KALRN: variants seen among roughly 807,000 people sequenced by gnomAD.
The protein encoded by KALRN is kalirin.
In KALRN, 70 loss-of-function variants were observed where a neutral mutation model predicts 353.7. The observed-to-expected ratio is 0.20, with a 90% CI of 0.16 to 0.24. The LOEUF (loss-of-function observed/expected upper bound fraction) is 0.24. KALRN is among the 10% of genes least tolerant of loss of function. The probability of loss-of-function intolerance (pLI) is 1.00; values close to 1 mark genes in which losing one functional copy is unlikely to be tolerated. For missense variants in KALRN, 2,791 were observed against 3,756.7 expected, an observed-to-expected ratio of 0.74 and a Z score of 6.72; for synonymous variants, 1,391 against 1,434.8, an observed-to-expected ratio of 0.97 and a Z score of 0.69.
At chr3:124,051,986 T>C (rs1438702082) in intron 1 of KALRN, among the ~76,000 whole-genome samples, 1 of 152,220 alleles carries the variant, frequency 6.6e-6, no homozygotes, top group African/African-American at 2.4e-5. Context: ...AGGTCTCTAA[T>C]GCGTCTTCCA....
chr3:124,374,065 A>G (rs1374190353), intron 10 of KALRN, among the ~76,000 whole-genome samples: 6 of 152,142 alleles, frequency 3.9e-5, no homozygotes, highest in Non-Finnish European at 7.4e-5. Flanking sequence ...CTAATTCCCA[A>G]TGTGGTTGTA....
In KALRN at chr3:124,222,429, C is replaced by A. The variant is rs141457478; in HGVS notation, c.74-5561C>A. On this transcript the variant is annotated intron_variant, in intron 1 of 59. Transcript: ENST00000682506. ...AGAGGGGTCTTCCCATGGTAGGGGC[C>A]AGAGGGGTGATGAGTAGTGTTAGAT... 3.1e-3 allele frequency among the ~76,000 whole-genome samples: 467 copies of A among 152,210 alleles called. 5 individuals carry two copies. The highest frequency in any genetic ancestry group is 0.025 in the South Asian group (119 of 4,822).
chr3:124,269,048 G>T lies in KALRN; in HGVS notation c.762G>T (p.Leu254=). 6.2e-7 allele frequency: 1 copy of T among 1,612,916 alleles called. No homozygotes were observed. The highest frequency in any genetic ancestry group is 8.5e-7 in the Non-Finnish European group (1 of 1,179,672). Residue 254 remains leucine, a synonymous_variant, in exon 5 of 60, where the codon CTG becomes CTT. Transcript: ENST00000682506. The part of the protein sequence containing the change: ...VEELDREGQR[L]LQCIRCSDGF... ...AGCTGGACCGGGAGGGGCAGCGGCT[G>T]CTGCAGTGCATCCGCTGCAGCGACG...
chr3:124,133,826 C>G (rs892579889), intron 1 of KALRN, among the ~76,000 whole-genome samples: 10 of 152,124 alleles, frequency 6.6e-5, no homozygotes, highest in Non-Finnish European at 1.5e-4. Context: ...CTAAAATGGC[C>G]TTTATCAAGT....
intron 58 of KALRN, among the ~76,000 whole-genome samples, chr3:124,716,906 T>C (rs1196938410): frequency 6.6e-6 from 1 of 152,236 alleles, no homozygotes; most frequent in African/African-American, 2.4e-5. Context: ...TGCTGAAGTC[T>C]CTCTTGGTGA....
chr3:124,425,870 G>A (rs1291310440), intron 15 of KALRN, among the ~76,000 whole-genome samples: 5 of 152,016 alleles, frequency 3.3e-5, no homozygotes, highest in South Asian at 2.1e-4. Context: ...TAAATAATCC[G>A]GGGTGGACTA....
At chr3:124,292,362 A>G (rs2076496940) in intron 5 of KALRN, among the ~76,000 whole-genome samples, 1 of 152,204 alleles carries the variant, frequency 6.6e-6, no homozygotes, top group African/African-American at 2.4e-5. Context: ...TTGCATTTTA[A>G]TAGGCATCTC....
intron 52 of KALRN, 108 bp downstream of exon 52, chr3:124,693,939 C>A: frequency 3.9e-6 from 3 of 764,528 alleles, no homozygotes; most frequent in South Asian, 2.0e-5. Context: ...AGTTCTGTAT[C>A]AATGGACAAG....
intron 28 of KALRN, 92 bp from the exon 29 acceptor site, chr3:124,488,112 C>T (rs954905486): frequency 2.2e-5 from 16 of 730,570 alleles, no homozygotes; most frequent in Admixed American, 4.4e-5. Context: ...TTACAGAGAG[C>T]GAAGCTGGTC....
intron 1 of KALRN, among the ~76,000 whole-genome samples, chr3:124,047,868 A>G (rs6438825): frequency 0.92 from 139,381 of 151,980 alleles, 64,627 homozygotes; most frequent in East Asian, 1. Context: ...CTAACTGTAG[A>G]CCATTTGAAA....
rs191943680 is a variant in KALRN, at chr3:124,225,976, T to G, written c.74-2014T>G. ...CAGGACTGAAATTTAACTTTTATAT[T>G]ACATTTTTTTCTATAGAAATTAGTG... On this transcript the variant is annotated intron_variant, in intron 1 of 59. Transcript: ENST00000682506. 9.1e-4 allele frequency among the ~76,000 whole-genome samples: 138 copies of G among 152,338 alleles called. 1 individual carries two copies. The highest frequency in any genetic ancestry group is 3.2e-3 in the African/African-American group (131 of 41,570).
intron 34 of KALRN, among the ~76,000 whole-genome samples, chr3:124,613,453 C>T (rs758152976): frequency 6.6e-5 from 10 of 152,286 alleles, no homozygotes; most frequent in Non-Finnish European, 1.3e-4. Flanking sequence ...GGATTAGGCT[C>T]ATGGCAACAG....
intron 34 of KALRN, among the ~76,000 whole-genome samples, chr3:124,617,572 T>C (rs945033281): frequency 6.6e-6 from 1 of 152,176 alleles, no homozygotes; most frequent in African/African-American, 2.4e-5. Flanking sequence ...TGCAACATAG[T>C]ACAGTGAACT....
intron 15 of KALRN, among the ~76,000 whole-genome samples, chr3:124,429,265 C>G (rs571817020): frequency 1.3e-5 from 2 of 152,278 alleles, no homozygotes; most frequent in Admixed American, 1.3e-4. Flanking sequence ...GGATTTATGA[C>G]CTGATGTTAT....
At chr3:124,559,260 A>G (rs563439090) in intron 33 of KALRN, among the ~76,000 whole-genome samples, 100 of 152,266 alleles carry the variant, frequency 6.6e-4, no homozygotes, top group African/African-American at 2.3e-3. Context: ...CCACCCAGGG[A>G]TTGGTCAGCA....
intron 37 of KALRN, among the ~76,000 whole-genome samples, chr3:124,648,346 A>G (rs763872636): frequency 3.9e-5 from 6 of 152,222 alleles, no homozygotes; most frequent in Non-Finnish European, 5.9e-5. Context: ...TTGCTTATAG[A>G]ACAGGTCAGG....
At position 124,722,630 on chromosome 3, in the gene KALRN, G is replaced by A. The variant is rs1301229428; in HGVS notation, c.*3160G>A. On this transcript the variant is annotated 3_prime_UTR_variant, in exon 60 of 60. Coordinates refer to ENST00000682506, the MANE Select transcript of KALRN (RefSeq NM_001388419.1). Reference sequence around the variant, plus strand: ...GATGATCCTGGGGAATGTACTTTAGGTTGCTCTGAGGGCAACCGTGCTTAG... The same window carrying A: ...GATGATCCTGGGGAATGTACTTTAGATTGCTCTGAGGGCAACCGTGCTTAG... 2 of 152,062 alleles carry A rather than the reference G, an allele frequency of 1.3e-5. No individual in the cohort carries two copies. Among genetic ancestry groups the A allele is most frequent in the Admixed American group, 6.6e-5 (1 of 15,206 alleles). 9.4% of individuals were successfully genotyped at this position (152,062 alleles called of 1,614,324 possible).
At chr3:124,562,116 C>T (rs980730169) in intron 33 of KALRN, among the ~76,000 whole-genome samples, 2 of 152,158 alleles carry the variant, frequency 1.3e-5, no homozygotes, top group Non-Finnish European at 2.9e-5. Flanking sequence ...AGAAGTGGCC[C>T]GTCTTCCCTT....
intron 1 of KALRN, among the ~76,000 whole-genome samples, chr3:124,147,874 A>G (rs1239252877): frequency 1.3e-5 from 2 of 152,232 alleles, no homozygotes; most frequent in African/African-American, 4.8e-5. Context: ...CACCTAAAAC[A>G]GTGTGAGGCA....
Sources: allele counts gnomAD v4.1 joint callset (sites outside exome capture counted in the v4.1 genomes callset), GRCh38; gene constraint gnomAD v4.1.1; transcripts MANE v1.5; gene names NCBI Gene and HGNC (gene_info 2026-07-23, HGNC 2026-07-21).